MMS22L: variants seen among roughly 807,000 people sequenced by gnomAD.
The protein encoded by MMS22L is MMS22 like, DNA repair protein.
A neutral mutation model predicts 159.1 loss-of-function variants in MMS22L; 74 were observed. The ratio of observed to expected loss-of-function variants is 0.47; its 90% CI spans 0.39 to 0.56. The LOEUF (loss-of-function observed/expected upper bound fraction) is 0.56, where lower values mean the gene tolerates loss of function less well. MMS22L is among the 20% of genes least tolerant of loss of function. MMS22L has a pLI of 0.00. For synonymous variants in MMS22L, 517 were observed against 506.9 expected, an observed-to-expected ratio of 1.02 and a Z score of -0.27; for missense variants, 1,351 against 1,422.1, an observed-to-expected ratio of 0.95 and a Z score of 0.80.
chr6:97,168,009 G>T (rs1237644168), intron 20 of MMS22L, 62 bp downstream of exon 20: 3 of 1,377,644 alleles, frequency 2.2e-6, no homozygotes, highest in Non-Finnish European at 2.9e-6. Flanking sequence ...AGTAAACTAT[G>T]TTTTTAAGGC....
At chr6:97,202,805 C>A (rs911673016) in intron 14 of MMS22L, among the ~76,000 whole-genome samples, 2 of 152,092 alleles carry the variant, frequency 1.3e-5, no homozygotes, top group African/African-American at 4.8e-5. Flanking sequence ...CTAAAGCACA[C>A]ACAGAATTAT....
intron 14 of MMS22L, among the ~76,000 whole-genome samples, chr6:97,213,142 CA>C (rs1808580752): frequency 6.6e-6 from 1 of 152,090 alleles, no homozygotes; most frequent in African/African-American, 2.4e-5. Context: ...CATGGTGGCT[CA>C]CGCCTGTAAT....
intron 9 of MMS22L, chr6:97,259,416 T>G (rs1004401129): frequency 6.6e-6 from 1 of 152,198 alleles, no homozygotes; most frequent in African/African-American, 2.4e-5. Context: ...CCCTCTCTAA[T>G]ATGGGTGGGT....
intron 24 of MMS22L, among the ~76,000 whole-genome samples, chr6:97,147,668 A>G (rs1428647226): frequency 6.6e-6 from 1 of 152,178 alleles, no homozygotes; most frequent in African/African-American, 2.4e-5. Flanking sequence ...ATGACAATAA[A>G]CACCATTTCT....
chr6:97,159,151 C>A (rs1466362433), intron 22 of MMS22L, among the ~76,000 whole-genome samples: 1 of 146,696 alleles, frequency 6.8e-6, no homozygotes, highest in Non-Finnish European at 1.5e-5. Flanking sequence ...TTTTGCTTTC[C>A]ATTTGCTTGG....
At chr6:97,193,069 T>C (rs1228421421) in intron 14 of MMS22L, among the ~76,000 whole-genome samples, 1 of 152,202 alleles carries the variant, frequency 6.6e-6, no homozygotes, top group Non-Finnish European at 1.5e-5. Flanking sequence ...CACTCATTCA[T>C]ATGTAAGTTC....
At position 97,282,328 on chromosome 6, in the gene MMS22L, G is replaced by A. The variant is rs780843451; in HGVS notation, c.150C>T (p.Ser50=). 3.1e-6 allele frequency: 5 copies of A among 1,613,878 alleles called. No homozygotes were observed. In the East Asian group the frequency reaches 6.7e-5, roughly 22 times the overall value. ...KHFSGESYLC[S]GALKRLILNL... ...GTTTTACCTACCGCTTAAGGGCTCC[G>A]CTGCAGAGGTAGGATTCTCCAGAAA... is the stretch of plus-strand genomic sequence containing the variant. Residue 50 remains serine (S), a synonymous_variant, in exon 2 of 25, where the codon AGC becomes AGT. Coordinates refer to ENST00000683635, the MANE Select transcript of MMS22L (RefSeq NM_001350599.2).
chr6:97,239,446 T>C (rs1811816934), intron 11 of MMS22L, among the ~76,000 whole-genome samples: 1 of 152,126 alleles, frequency 6.6e-6, no homozygotes, highest in Non-Finnish European at 1.5e-5. Flanking sequence ...AGAACACACG[T>C]TTACAATTAG....
intron 12 of MMS22L, 126 bp from the exon 13 acceptor site, chr6:97,231,778 G>T: frequency 1.5e-6 from 1 of 664,936 alleles, no homozygotes; most frequent in Non-Finnish European, 2.5e-6. Context: ...AAAACTACAT[G>T]AACACGATTC....
At chr6:97,241,448 C>A (rs1812058892) in intron 11 of MMS22L, among the ~76,000 whole-genome samples, 1 of 152,174 alleles carries the variant, frequency 6.6e-6, no homozygotes, top group Admixed American at 6.5e-5. Context: ...TTCACCAAAT[C>A]CACACCAACA....
At chr6:97,160,383 G>T (rs183865751) in intron 22 of MMS22L, among the ~76,000 whole-genome samples, 13 of 152,008 alleles carry the variant, frequency 8.6e-5, no homozygotes, top group African/African-American at 2.7e-4. Flanking sequence ...AAGATTCTTG[G>T]TTGACAGGTC....
chr6:97,182,755 A>G (rs954771999), intron 15 of MMS22L, among the ~76,000 whole-genome samples: 1 of 151,896 alleles, frequency 6.6e-6, no homozygotes, highest in Non-Finnish European at 1.5e-5. Flanking sequence ...GGGTGAGATT[A>G]CTCCTTGGTC....
chr6:97,257,488 C>T (rs1284748294), intron 9 of MMS22L, among the ~76,000 whole-genome samples: 1 of 152,146 alleles, frequency 6.6e-6, no homozygotes, highest in Non-Finnish European at 1.5e-5. Context: ...GGGTCTCACT[C>T]TGTTGCCCAG....
chr6:97,151,995 T>C, intron 22 of MMS22L, 128 bp from the exon 23 acceptor site: 2 of 624,646 alleles, frequency 3.2e-6, no homozygotes, highest in Non-Finnish European at 2.7e-6. Context: ...TTTTCTATTT[T>C]TCAAAATGAA....
At chr6:97,242,206 C>T (rs1308871521) in intron 11 of MMS22L, among the ~76,000 whole-genome samples, 1 of 152,006 alleles carries the variant, frequency 6.6e-6, no homozygotes, top group African/African-American at 2.4e-5. Context: ...TACTGAAGTC[C>T]CCCACTATTA....
At chr6:97,186,330 A>G (rs770074878) in intron 15 of MMS22L, among the ~76,000 whole-genome samples, 167 bp downstream of exon 15, 2 of 152,200 alleles carry the variant, frequency 1.3e-5, no homozygotes, top group Non-Finnish European at 2.9e-5. Context: ...TTTAATTTTT[A>G]GCAATAAATA....
At chr6:97,197,621 A>G (rs1008864858) in intron 14 of MMS22L, among the ~76,000 whole-genome samples, 6 of 152,232 alleles carry the variant, frequency 3.9e-5, no homozygotes, top group African/African-American at 7.2e-5. Context: ...TGGATAGGGT[A>G]TAACTGTGCA....
In MMS22L at chr6:97,282,473, TC is replaced by T. The variant is rs752808101; in HGVS notation, c.4del (p.Glu2ArgfsTer10). The T allele has an allele frequency of 6.2e-7, 1 of 1,610,704 alleles. No homozygotes were observed. Among genetic ancestry groups the T allele is most frequent in the South Asian group, 1.1e-5 (1 of 90,926 alleles). ...GAACGTCGATGCAGCAGAACAGTTC[TC>T]CATTGTTTACTTCATGTTCTGAAAC... is the stretch of plus-strand genomic sequence containing the variant. M[E>X]NCSAASTFLT... On this transcript the variant is annotated frameshift_variant, in exon 2 of 25. Transcript: ENST00000683635. LOFTEE classifies it high-confidence loss of function.
intron 11 of MMS22L, among the ~76,000 whole-genome samples, chr6:97,244,794 A>G (rs1812456083): frequency 6.6e-6 from 1 of 152,116 alleles, no homozygotes; most frequent in South Asian, 2.1e-4. Flanking sequence ...AGAGAACCCT[A>G]ATACAAACCA....
Sources: allele counts gnomAD v4.1 joint callset (sites outside exome capture counted in the v4.1 genomes callset), GRCh38; gene constraint gnomAD v4.1.1; transcripts MANE v1.5; gene names NCBI Gene and HGNC (gene_info 2026-07-23, HGNC 2026-07-21).